The following TRPC6 variants were observed in gnomAD, a reference collection of about 807,000 sequenced individuals.
TRPC6 encodes short transient receptor potential channel 6.
TRPC6 carries 55 observed loss-of-function variants against 90.7 expected under a neutral mutation model. The observed-to-expected ratio is 0.61, with a 90% confidence interval of 0.49 to 0.76. The LOEUF (loss-of-function observed/expected upper bound fraction) is 0.76. Ranked by LOEUF, TRPC6 falls within the 30% of genes least tolerant of loss-of-function variation. TRPC6 has a pLI of 0.00. For synonymous variants in TRPC6, 393 were observed against 393.0 expected (o/e 1.00, Z 0.00); for missense variants, 989 against 1,122.7 (o/e 0.88, Z 1.70).
At chr11:101,535,219 GAAGGAAGGAAGGAAGA>G (rs143418141) in intron 1 of TRPC6, among the ~76,000 whole-genome samples, 5,349 of 114,774 alleles carry the variant, frequency 0.047, 202 homozygotes, top group Middle Eastern at 0.093. Context: ...AGGAAGGAAG[GAAGGAAGGAAGGAAGA>G]AAACACAAAG....
At chr11:101,474,052 G>T (rs541748973) in intron 6 of TRPC6, among the ~76,000 whole-genome samples, 1 of 152,250 alleles carries the variant, frequency 6.6e-6, no homozygotes, top group Admixed American at 6.5e-5. Flanking sequence ...ATGTATGTAT[G>T]TACGCACACA....
chr11:101,522,059 G>A (rs1404375957), intron 1 of TRPC6, among the ~76,000 whole-genome samples: 7 of 152,170 alleles, frequency 4.6e-5, no homozygotes, highest in African/African-American at 1.7e-4. Flanking sequence ...AGACTTGGGG[G>A]ACTATTAAGA....
intron 1 of TRPC6, among the ~76,000 whole-genome samples, chr11:101,544,418 G>C (rs1861249098): frequency 6.6e-6 from 1 of 152,150 alleles, no homozygotes; most frequent in African/African-American, 2.4e-5. Flanking sequence ...CTACTCTAAA[G>C]ACACATGCAC....
chr11:101,498,587 A>G (rs1171267124), intron 2 of TRPC6, among the ~76,000 whole-genome samples: 2 of 152,142 alleles, frequency 1.3e-5, no homozygotes, highest in Non-Finnish European at 2.9e-5. Flanking sequence ...TTAATGTACT[A>G]TGGGTTATTG....
At chr11:101,475,362 G>A (rs1859386873) in intron 6 of TRPC6, among the ~76,000 whole-genome samples, 2 of 152,038 alleles carry the variant, frequency 1.3e-5, no homozygotes, top group African/African-American at 2.4e-5. Context: ...TCTACACTGT[G>A]CAAAGATTAA....
intron 1 of TRPC6, among the ~76,000 whole-genome samples, chr11:101,571,268 C>T (rs1861957794): frequency 6.6e-6 from 1 of 152,096 alleles, no homozygotes; most frequent in Non-Finnish European, 1.5e-5. Flanking sequence ...CTCCCATTCA[C>T]AATTGCTACA....
chr11:101,470,820 C>G lies in TRPC6; in HGVS notation c.2409+363G>C, dbSNP rs978820524. 7.8e-4 allele frequency among the ~76,000 whole-genome samples: 80 copies of G among 102,386 alleles called. 1 individual carries two copies. The highest frequency in any genetic ancestry group is 2.7e-3 in the African/African-American group (68 of 24,896). 67.2% of individuals were successfully genotyped at this position (102,386 alleles called of 152,430 possible). ...TCAAGTTGCCCCGCCCCCCCCCCCT[C>G]CCCGAGTCATAACAAGCTGCTGCCG... On this transcript the variant is annotated intron_variant, in intron 9 of 12. Coordinates refer to ENST00000344327, the MANE Select transcript of TRPC6 (RefSeq NM_004621.6).
At chr11:101,557,956 A>G (rs183384855) in intron 1 of TRPC6, among the ~76,000 whole-genome samples, 1 of 152,218 alleles carries the variant, frequency 6.6e-6, no homozygotes, top group East Asian at 1.9e-4. Context: ...TGATCTACAG[A>G]TTACGTGATC....
At chr11:101,516,573 A>G (rs1247194240) in intron 1 of TRPC6, among the ~76,000 whole-genome samples, 1 of 152,228 alleles carries the variant, frequency 6.6e-6, no homozygotes, top group African/African-American at 2.4e-5. Context: ...AAAAAAAGTA[A>G]GTACTTAGCA....
At chr11:101,495,345 A>G (rs1405940383) in intron 2 of TRPC6, among the ~76,000 whole-genome samples, 1 of 152,180 alleles carries the variant, frequency 6.6e-6, no homozygotes, top group Non-Finnish European at 1.5e-5. Flanking sequence ...CATAGAAATT[A>G]ACAGTGTAGA....
intron 1 of TRPC6, among the ~76,000 whole-genome samples, chr11:101,535,170 A>T (rs1040992816): frequency 7.6e-6 from 1 of 130,922 alleles, no homozygotes; most frequent in Admixed American, 8.1e-5. Flanking sequence ...TGTCAGAAAG[A>T]AAAGAAAGGA....
At chr11:101,482,921 G>T (rs1859586311) in intron 5 of TRPC6, 28 bp downstream of exon 5, 2 of 1,611,006 alleles carry the variant, frequency 1.2e-6, no homozygotes, top group African/African-American at 2.7e-5. Context: ...ACTGCAAACA[G>T]AAAACATGAC....
rs1491446189 is a variant in TRPC6 at position 101,548,250 on chromosome 11, C to CAT, written c.170+35082_170+35083dup. On this transcript the variant is annotated intron_variant, in intron 1 of 12. Transcript: ENST00000344327. ...CTTCCCAACAGCCTAAGAACTAGAT[C>CAT]ATATATATATACATATATATATAAT... Among the ~76,000 whole-genome samples, 192 of 56,156 alleles carry CAT rather than the reference C, an allele frequency of 3.4e-3. 4 individuals carry two copies. The highest frequency in any genetic ancestry group is 0.012 in the African/African-American group (142 of 11,842). The allele number at this position is 56,156 out of a possible 152,430, so 36.8% of individuals were successfully genotyped here.
intron 1 of TRPC6, among the ~76,000 whole-genome samples, chr11:101,566,661 C>A (rs1861839279): frequency 1.3e-5 from 2 of 152,174 alleles, no homozygotes; most frequent in African/African-American, 4.8e-5. Flanking sequence ...CAGGTAATTT[C>A]TGCATTTCCA....
At chr11:101,484,440 G>C (rs1296104725) in intron 4 of TRPC6, among the ~76,000 whole-genome samples, 1 of 151,964 alleles carries the variant, frequency 6.6e-6, no homozygotes, top group Non-Finnish European at 1.5e-5. Context: ...GAACACAATC[G>C]GTGTTCTCTA....
intron 1 of TRPC6, among the ~76,000 whole-genome samples, chr11:101,549,206 G>A (rs1479681420): frequency 1.3e-5 from 2 of 151,888 alleles, no homozygotes. Context: ...AAACACTTTT[G>A]TAAGTTGAAC....
chr11:101,536,178 GGAGTTTGA>G (rs763086876), intron 1 of TRPC6, among the ~76,000 whole-genome samples: 5 of 152,220 alleles, frequency 3.3e-5, no homozygotes, highest in African/African-American at 4.8e-5. Context: ...TCTGAGGTCA[GGAGTTTGA>G]GACCAGCCTG....
At chr11:101,460,932 T>C (rs945599570) in intron 10 of TRPC6, among the ~76,000 whole-genome samples, 1 of 152,198 alleles carries the variant, frequency 6.6e-6, no homozygotes, top group Non-Finnish European at 1.5e-5. Flanking sequence ...GAAAACATAA[T>C]GGGCCATATT....
chr11:101,492,304 C>T (rs181197531), intron 2 of TRPC6, among the ~76,000 whole-genome samples: 2 of 152,204 alleles, frequency 1.3e-5, no homozygotes, highest in Admixed American at 1.3e-4. Context: ...AGTATGCTGG[C>T]CGGGTGTGTT....
Sources: gnomAD v4.1 joint callset for allele counts (sites outside exome capture counted in the v4.1 genomes callset) on GRCh38, gnomAD v4.1.1 for gene constraint, MANE v1.5 for transcripts, NCBI Gene and HGNC (gene_info 2026-07-23, HGNC 2026-07-21) for gene names.